The following LOC128071545 variants were observed in gnomAD, a reference collection of about 807,000 sequenced individuals.
chr15:81,002,205 G>A, the LOC128071545 span: 1 of 1,212,680 alleles, frequency 8.2e-7, no homozygotes, highest in Non-Finnish European at 1.0e-6. Flanking sequence ...CCGGGGCGGC[G>A]GCAGTGGCCG....
chr15:81,002,159 G>T, the LOC128071545 span: 13 of 1,118,488 alleles, frequency 1.2e-5, no homozygotes, highest in Non-Finnish European at 1.5e-5. Flanking sequence ...TGCGGGGAAG[G>T]CACCGCGGCC....
chr15:81,002,219 C>A, the LOC128071545 span: 3 of 1,220,674 alleles, frequency 2.5e-6, no homozygotes, highest in African/African-American at 4.7e-5. Context: ...GTGGCCGCGG[C>A]AGCGGCGGTG....
the LOC128071545 span, chr15:81,002,212 G>C: frequency 8.2e-6 from 10 of 1,216,296 alleles, no homozygotes; most frequent in Non-Finnish European, 8.2e-6. Context: ...GGCGGCAGTG[G>C]CCGCGGCAGC....
the LOC128071545 span, chr15:81,002,178 C>G: frequency 8.4e-7 from 1 of 1,188,754 alleles, no homozygotes; most frequent in Non-Finnish European, 1.0e-6. Context: ...CCTTGGCCAG[C>G]TGAGTCGCGA....
At chr15:81,002,254 C>T in the LOC128071545 span, 1 of 1,264,060 alleles carries the variant, frequency 7.9e-7, no homozygotes, top group Non-Finnish European at 1.0e-6. Flanking sequence ...AGCGGCATGC[C>T]AGTGCCCCCC....
chr15:81,002,218 G>A, the LOC128071545 span: 14 of 1,220,304 alleles, frequency 1.1e-5, no homozygotes, highest in Non-Finnish European at 1.4e-5. Flanking sequence ...AGTGGCCGCG[G>A]CAGCGGCGGT....
At chr15:81,002,188 A>G in the LOC128071545 span, 1 of 1,201,354 alleles carries the variant, frequency 8.3e-7, no homozygotes, top group Non-Finnish European at 1.0e-6. Flanking sequence ...CTGAGTCGCG[A>G]CGGCCGCCGG....
chr15:81,002,152 G>C, the LOC128071545 span: 2 of 1,095,328 alleles, frequency 1.8e-6, no homozygotes, highest in South Asian at 9.3e-5. Flanking sequence ...ATGATGGTGC[G>C]GGGAAGGCAC....
At chr15:81,002,174 C>T in the LOC128071545 span, 3 of 1,181,170 alleles carry the variant, frequency 2.5e-6, no homozygotes, top group African/African-American at 3.2e-5. Context: ...GCGGCCTTGG[C>T]CAGCTGAGTC....
At chr15:81,002,206 G>A in the LOC128071545 span, 1 of 1,213,220 alleles carries the variant, frequency 8.2e-7, no homozygotes. Context: ...CGGGGCGGCG[G>A]CAGTGGCCGC....
the LOC128071545 span, chr15:81,002,263 C>T: frequency 7.9e-7 from 1 of 1,273,224 alleles, no homozygotes; most frequent in East Asian, 3.2e-5. Context: ...CCAGTGCCCC[C>T]CGGGCGCGAT....
At chr15:81,002,243 C>T in the LOC128071545 span, 2 of 1,252,086 alleles carry the variant, frequency 1.6e-6, no homozygotes, top group Non-Finnish European at 2.0e-6. Flanking sequence ...GCGGGCTCCC[C>T]AGCGGCATGC....
chr15:81,002,161 A>C, the LOC128071545 span: 1 of 1,135,046 alleles, frequency 8.8e-7, no homozygotes, highest in Non-Finnish European at 1.1e-6. Context: ...CGGGGAAGGC[A>C]CCGCGGCCTT....
chr15:81,002,170 T>C, the LOC128071545 span: 1 of 1,173,900 alleles, frequency 8.5e-7, no homozygotes, highest in South Asian at 4.3e-5. Context: ...CACCGCGGCC[T>C]TGGCCAGCTG....
chr15:81,002,247 G>A, the LOC128071545 span: 1 of 1,256,548 alleles, frequency 8.0e-7, no homozygotes, highest in Non-Finnish European at 1.0e-6. Flanking sequence ...GCTCCCCAGC[G>A]GCATGCCAGT....
chr15:81,002,165 C>A, the LOC128071545 span: 1 of 1,147,530 alleles, frequency 8.7e-7, no homozygotes, highest in Non-Finnish European at 1.1e-6. Flanking sequence ...GAAGGCACCG[C>A]GGCCTTGGCC....
At chr15:81,002,260 C>A in the LOC128071545 span, 2 of 1,267,500 alleles carry the variant, frequency 1.6e-6, no homozygotes, top group Non-Finnish European at 2.0e-6. Context: ...ATGCCAGTGC[C>A]CCCCGGGCGC....
chr15:81,002,202 GGCGGCAGTGGCC>G, the LOC128071545 span: 353 of 1,210,980 alleles, frequency 2.9e-4, no homozygotes, highest in Non-Finnish European at 3.4e-4. Context: ...CCGCCGGGGC[GGCGGCAGTGGCC>G]GCGGCAGCGG....
At chr15:81,002,165 C>T in the LOC128071545 span, 3 of 1,147,530 alleles carry the variant, frequency 2.6e-6, no homozygotes, top group Non-Finnish European at 3.3e-6. Context: ...GAAGGCACCG[C>T]GGCCTTGGCC....
Sources: gnomAD v4.1 joint callset for allele counts on GRCh38, gnomAD v4.1.1 for gene constraint, MANE v1.5 for transcripts.